Variants in OSBPL10 observed in about 807,000 individuals in gnomAD.
OSBPL10 encodes oxysterol binding protein like 10, also known as oxysterol-binding protein-related protein 10.
In OSBPL10, 49 loss-of-function variants were observed where a neutral mutation model predicts 81.7. The observed-to-expected ratio is 0.60, with a 90% CI of 0.48 to 0.76. The LOEUF (loss-of-function observed/expected upper bound fraction) is 0.76, where lower values mean the gene tolerates loss of function less well. Ranked by LOEUF, OSBPL10 falls within the 30% of genes least tolerant of loss-of-function variation. OSBPL10 has a pLI of 0.00. For synonymous variants in OSBPL10, 419 were observed against 383.6 expected (o/e 1.09, Z -1.08); for missense variants, 923 against 987.8 (o/e 0.93, Z 0.88).
chr3:31,989,191 T>C, intron 2 of OSBPL10: 1 of 1,613,872 alleles, frequency 6.2e-7, no homozygotes, highest in Non-Finnish European at 8.5e-7. Context: ...TTTGGAGGAG[T>C]GGAAATGCCT....
intron 3 of OSBPL10, among the ~76,000 whole-genome samples, chr3:31,841,648 A>AC (rs1425318547): frequency 2.0e-5 from 3 of 152,218 alleles, no homozygotes; most frequent in Non-Finnish European, 4.4e-5. Context: ...TGGATGTCCC[A>AC]CCACATTTCT....
At chr3:31,929,863 G>A (rs1697187015) in intron 1 of OSBPL10, among the ~76,000 whole-genome samples, 1 of 151,996 alleles carries the variant, frequency 6.6e-6, no homozygotes, top group African/African-American at 2.4e-5. Context: ...GCTGGGCATG[G>A]CGACTCATGC....
intron 1 of OSBPL10, among the ~76,000 whole-genome samples, chr3:31,910,872 C>T (rs1666480992): frequency 6.6e-6 from 1 of 152,174 alleles, no homozygotes; most frequent in African/African-American, 2.4e-5. Context: ...TAAACTACTT[C>T]ATGAATTAAA....
intron 1 of OSBPL10, among the ~76,000 whole-genome samples, chr3:31,948,872 TAG>T (rs1450151660): frequency 1.3e-5 from 2 of 152,194 alleles, no homozygotes; most frequent in Non-Finnish European, 2.9e-5. Flanking sequence ...ATGATGGAGT[TAG>T]AGAGTACCTC....
intron 8 of OSBPL10, among the ~76,000 whole-genome samples, chr3:31,682,761 C>A (rs1456667372): frequency 6.6e-6 from 1 of 152,194 alleles, no homozygotes; most frequent in Non-Finnish European, 1.5e-5. Flanking sequence ...ACAGAAGCAT[C>A]ATCAGAACAG....
At chr3:31,723,570 A>ACACACC (rs1407748528) in intron 6 of OSBPL10, among the ~76,000 whole-genome samples, 2 of 150,268 alleles carry the variant, frequency 1.3e-5, no homozygotes, top group African/African-American at 4.9e-5. Context: ...ACACACACAC[A>ACACACC]CCCCTTTCCC....
intron 4 of OSBPL10, among the ~76,000 whole-genome samples, chr3:31,774,930 G>C (rs1056665635): frequency 3.3e-5 from 5 of 151,774 alleles, no homozygotes; most frequent in African/African-American, 1.2e-4. Flanking sequence ...ACTTTGGGAG[G>C]CTGAGGTGGG....
At chr3:31,939,375 C>T (rs1697474831) in intron 1 of OSBPL10, among the ~76,000 whole-genome samples, 1 of 151,760 alleles carries the variant, frequency 6.6e-6, no homozygotes, top group Non-Finnish European at 1.5e-5. Flanking sequence ...AAACTCCTGA[C>T]CTTGTGACCT....
intron 1 of OSBPL10, among the ~76,000 whole-genome samples, chr3:32,054,947 AT>A (rs1290889363): frequency 6.6e-6 from 1 of 152,142 alleles, no homozygotes; most frequent in Non-Finnish European, 1.5e-5. Flanking sequence ...GGTATAGGAC[AT>A]TGACAGGTGC....
intron 3 of OSBPL10, among the ~76,000 whole-genome samples, chr3:31,874,480 CA>C (rs1008320269): frequency 6.7e-6 from 1 of 150,368 alleles, no homozygotes; most frequent in Non-Finnish European, 1.5e-5. Context: ...AATGACAGGC[CA>C]AAAAAAATCC....
intron 4 of OSBPL10, among the ~76,000 whole-genome samples, chr3:31,815,069 ACT>A (rs71097445): frequency 0.35 from 52,506 of 151,748 alleles, 9,882 homozygotes; most frequent in Admixed American, 0.52. Flanking sequence ...GTCCTGCATG[ACT>A]CTGTAAGAAT....
chr3:31,856,255 A>G (rs117533124), intron 3 of OSBPL10, among the ~76,000 whole-genome samples: 1 of 152,230 alleles, frequency 6.6e-6, no homozygotes, highest in East Asian at 1.9e-4. Flanking sequence ...TTATTAAGAC[A>G]ATTAAAAAAA....
At chr3:32,008,071 G>C (rs1429169893) in intron 2 of OSBPL10, among the ~76,000 whole-genome samples, 1 of 152,026 alleles carries the variant, frequency 6.6e-6, no homozygotes, top group Non-Finnish European at 1.5e-5. Flanking sequence ...AGGTTCCAGG[G>C]ATTATGATGT....
chr3:32,041,587 A>G (rs1699575426), intron 2 of OSBPL10, among the ~76,000 whole-genome samples: 1 of 152,108 alleles, frequency 6.6e-6, no homozygotes, highest in Admixed American at 6.5e-5. Context: ...GCTGGCCAAC[A>G]TTGATGCCTC....
At chr3:31,662,280 G>C in intron 11 of OSBPL10, 164 bp from the exon 12 acceptor site, 3 of 1,398,460 alleles carry the variant, frequency 2.1e-6, no homozygotes, top group Non-Finnish European at 2.8e-6. Flanking sequence ...CTGCTCTTTG[G>C]AGATCTAGAT....
intron 1 of OSBPL10, among the ~76,000 whole-genome samples, chr3:31,940,757 C>T (rs538167614): frequency 6.6e-6 from 1 of 152,204 alleles, no homozygotes; most frequent in Admixed American, 6.5e-5. Flanking sequence ...TCTTTTGAGA[C>T]TCAGCGTAGA....
intron 6 of OSBPL10, among the ~76,000 whole-genome samples, chr3:31,726,551 T>A (rs967849739): frequency 4.6e-5 from 7 of 152,202 alleles, no homozygotes; most frequent in African/African-American, 1.7e-4. Context: ...CCCGACCTCA[T>A]GATCCGCCTG....
At chr3:31,877,290 A>C (rs1418442316) in intron 2 of OSBPL10, among the ~76,000 whole-genome samples, 1 of 152,162 alleles carries the variant, frequency 6.6e-6, no homozygotes, top group African/African-American at 2.4e-5. Flanking sequence ...CATTCAGTTG[A>C]ATTACCATTT....
chr3:31,758,480 ACAGAAAC>A (rs1490308659), intron 4 of OSBPL10, among the ~76,000 whole-genome samples: 2 of 152,158 alleles, frequency 1.3e-5, no homozygotes, highest in Admixed American at 6.6e-5. Flanking sequence ...TAAGGGCTAA[ACAGAAAC>A]CAGCCCTTTC....
Sources: gnomAD v4.1 joint callset for allele counts (sites outside exome capture counted in the v4.1 genomes callset) on GRCh38, gnomAD v4.1.1 for gene constraint, MANE v1.5 for transcripts, NCBI Gene and HGNC (gene_info 2026-07-23, HGNC 2026-07-21) for gene names.